The following TMEM170A variants were observed in gnomAD, a reference collection of about 807,000 sequenced individuals.
The protein encoded by TMEM170A is transmembrane protein 170A, also known as transmembrane protein 170.
In TMEM170A, 18 loss-of-function variants were observed where a neutral mutation model predicts 12.8. That is an observed-to-expected ratio of 1.41 (90% CI 0.97 to 2.09). The LOEUF is 2.09. Ranked by LOEUF, TMEM170A falls within the 30% of genes most tolerant of loss-of-function variation. The pLI is 0.00. For synonymous variants in TMEM170A, 107 were observed against 76.2 expected, an observed-to-expected ratio of 1.40 and a Z score of -2.11; for missense variants, 220 against 179.9, an observed-to-expected ratio of 1.22 and a Z score of -1.28.
At chr16:75,453,078 ATC>A (rs1333194037) in intron 1 of TMEM170A, among the ~76,000 whole-genome samples, 1 of 151,936 alleles carries the variant, frequency 6.6e-6, no homozygotes, top group African/African-American at 2.4e-5. Context: ...AAGCTGACCA[ATC>A]TCTGTACCCT....
chr16:75,457,944 A>T (rs2079829364), intron 1 of TMEM170A, among the ~76,000 whole-genome samples: 1 of 152,236 alleles, frequency 6.6e-6, no homozygotes, highest in Non-Finnish European at 1.5e-5. Context: ...AAACACTTTC[A>T]CATGAGGTTA....
chr16:75,455,847 T>C (rs184893277), intron 1 of TMEM170A, among the ~76,000 whole-genome samples: 2 of 152,296 alleles, frequency 1.3e-5, no homozygotes, highest in Non-Finnish European at 2.9e-5. Context: ...AATGAGCTTA[T>C]TGGGATAAAC....
At chr16:75,455,177 A>G (rs1445542008) in intron 1 of TMEM170A, among the ~76,000 whole-genome samples, 2 of 152,050 alleles carry the variant, frequency 1.3e-5, no homozygotes, top group South Asian at 2.1e-4. Flanking sequence ...CTAACACGGT[A>G]AAACCCCGTC....
At position 75,446,272 on chromosome 16, in the gene TMEM170A, C is replaced by G. The variant is rs959875512; in HGVS notation, c.*1286G>C. On this transcript the variant is annotated 3_prime_UTR_variant, in exon 3 of 3. Coordinates refer to ENST00000561878, the MANE Select transcript of TMEM170A (RefSeq NM_145254.3). ...ACCACCACACTGATTGTATTCCATA[C>G]AAAACAGTTTAGGTGGAAAGGATCA... is the stretch of plus-strand genomic sequence containing the variant. 6.6e-6 allele frequency: 1 copy of G among 151,658 alleles called. No homozygotes were observed. The highest frequency in any genetic ancestry group is 2.4e-5 in the African/African-American group (1 of 41,278). 9.4% of individuals were successfully genotyped at this position (151,658 alleles called of 1,614,324 possible).
At chr16:75,462,250 C>T (rs537219517) in intron 1 of TMEM170A, among the ~76,000 whole-genome samples, 3 of 152,224 alleles carry the variant, frequency 2.0e-5, no homozygotes, top group Non-Finnish European at 2.9e-5. Flanking sequence ...GACAAAGCCT[C>T]GCTCTGTCAC....
Position 75,445,258 on chromosome 16 carries a change from T to A in TMEM170A, c.*2300A>T, listed in dbSNP as rs546368956. The stretch of plus-strand genomic sequence containing the variant: ...TTTGGCTGCATTACAACTCTACTTA[T>A]AAGTTTCTGCCCGTGTATATGTCAC... On this transcript the variant is annotated 3_prime_UTR_variant, in exon 3 of 3. Coordinates refer to ENST00000561878, the MANE Select transcript of TMEM170A (RefSeq NM_145254.3). 1 of 152,340 alleles carries A rather than the reference T, an allele frequency of 6.6e-6. No individual in the cohort carries two copies. The highest frequency in any genetic ancestry group is 1.9e-4 in the East Asian group (1 of 5,188). 9.4% of individuals were successfully genotyped at this position (152,340 alleles called of 1,614,324 possible).
Position 75,464,505 on chromosome 16 carries a change from G to A in TMEM170A, c.96C>T (p.Thr32=), listed in dbSNP as rs372427046. 3 of 1,582,258 alleles carry A rather than the reference G, an allele frequency of 1.9e-6. No homozygotes were observed. Among genetic ancestry groups the A allele is most frequent in the Non-Finnish European group, 2.6e-6 (3 of 1,167,118 alleles). ...AGAGGGAAGTAGAGTTGGGGCACAG[G>A]GTCCCGTTGCCCACCCGCGGCACAA... ...LKVVPRVGNG[T]LCPNSTSLCS... is the part of the protein sequence containing the mutation. Residue 32 remains threonine (T), a synonymous_variant, in exon 1 of 3, where the codon ACC becomes ACT. Transcript: ENST00000561878.
At chr16:75,460,011 C>A in intron 1 of TMEM170A, 1 of 152,802 alleles carries the variant, frequency 6.5e-6, no homozygotes. Flanking sequence ...TCCTCCCTAA[C>A]AAGATGATGT....
rs1175112268 is a variant in TMEM170A at position 75,443,971 on chromosome 16, C to G, written c.*3587G>C. 6.6e-6 allele frequency: 1 copy of G among 151,772 alleles called. No homozygotes were observed. Among genetic ancestry groups the G allele is most frequent in the Non-Finnish European group, 1.5e-5 (1 of 67,996 alleles). The allele number at this position is 151,772 out of a possible 1,614,324, so 9.4% of individuals were successfully genotyped here. A position where few individuals can be genotyped will look rare whatever the true frequency, so the allele number is the denominator to read the frequency against. On this transcript the variant is annotated 3_prime_UTR_variant, in exon 3 of 3. Transcript: ENST00000561878. ...GGGCCTTGTGGCGGGTGCCAGTAAT[C>G]CTAGCTACTCAGCGGCCAAGGCAGG...
chr16:75,456,023 A>G (rs1390991452), intron 1 of TMEM170A, among the ~76,000 whole-genome samples: 1 of 152,084 alleles, frequency 6.6e-6, no homozygotes, highest in Non-Finnish European at 1.5e-5. Flanking sequence ...TTATGAAGGT[A>G]TTTTTATTCC....
intron 2 of TMEM170A, 143 bp downstream of exon 2, chr16:75,451,526 G>T: frequency 1.2e-6 from 1 of 818,986 alleles, no homozygotes. Flanking sequence ...CTCCGGCCTT[G>T]GTGACATAGG....
In TMEM170A at chr16:75,451,800, GAA is replaced by G. The variant is rs1347308029; in HGVS notation, c.171_172del (p.Phe60LeufsTer20). 3 of 1,613,844 alleles carry G rather than the reference GAA, an allele frequency of 1.9e-6. No homozygotes were observed. The highest frequency in any genetic ancestry group is 2.7e-5 in the African/African-American group (2 of 74,894). ...TCCAGCAGGGACATGAAAGAAGAGA[GAA>G]GACACCAGTGCCCACAGGAATACAC... is the stretch of plus-strand genomic sequence containing the variant. On this transcript the variant is annotated frameshift_variant, in exon 2 of 3. Coordinates refer to ENST00000561878, the MANE Select transcript of TMEM170A (RefSeq NM_145254.3). LOFTEE classifies it high-confidence loss of function.
intron 2 of TMEM170A, among the ~76,000 whole-genome samples, chr16:75,449,916 A>C (rs1018312615): frequency 7.9e-5 from 12 of 152,358 alleles, no homozygotes; most frequent in African/African-American, 2.9e-4. Context: ...AGAGAGCAGC[A>C]AATGGAAAGG....
intron 2 of TMEM170A, among the ~76,000 whole-genome samples, chr16:75,450,109 T>TG (rs2079655918): frequency 6.6e-6 from 1 of 150,812 alleles, no homozygotes; most frequent in African/African-American, 2.4e-5. Flanking sequence ...CCAGTCATCC[T>TG]GGGGCAGAGG....
At chr16:75,450,923 A>C (rs975932335) in intron 2 of TMEM170A, among the ~76,000 whole-genome samples, 1 of 151,980 alleles carries the variant, frequency 6.6e-6, no homozygotes, top group Non-Finnish European at 1.5e-5. Context: ...CTGCCTCCCA[A>C]AGTGCTGGGA....
intron 1 of TMEM170A, among the ~76,000 whole-genome samples, chr16:75,463,084 G>A (rs975718652): frequency 6.6e-6 from 1 of 152,142 alleles, no homozygotes; most frequent in Non-Finnish European, 1.5e-5. Context: ...GAGAGAAAGA[G>A]AAACAGAAAG....
intron 1 of TMEM170A, among the ~76,000 whole-genome samples, chr16:75,463,929 A>C (rs1260359170): frequency 1.3e-5 from 2 of 152,206 alleles, no homozygotes; most frequent in East Asian, 3.9e-4. Context: ...ATTCCTAGAA[A>C]GCGGAGCGGG....
intron 2 of TMEM170A, among the ~76,000 whole-genome samples, chr16:75,448,276 G>C (rs905448274): frequency 6.6e-6 from 1 of 152,204 alleles, no homozygotes; most frequent in Admixed American, 6.5e-5. Context: ...CATGAGAGGA[G>C]AGATACTCAG....
Position 75,445,676 on chromosome 16 carries a change from A to C in TMEM170A, c.*1882T>G, listed in dbSNP as rs1350137027. 6.6e-6 allele frequency: 1 copy of C among 151,736 alleles called. No homozygotes were observed. Among genetic ancestry groups the C allele is most frequent in the Non-Finnish European group, 1.5e-5 (1 of 67,986 alleles). 9.4% of individuals were successfully genotyped at this position (151,736 alleles called of 1,614,324 possible). A position where few individuals can be genotyped will look rare whatever the true frequency, so the allele number is the denominator to read the frequency against. ...ATTCTTTTCTATGAGTTTCCCTGGC[A>C]AATTGGTCCTCCTGACTTTTTTCTT... On this transcript the variant is annotated 3_prime_UTR_variant, in exon 3 of 3. Coordinates refer to ENST00000561878, the MANE Select transcript of TMEM170A (RefSeq NM_145254.3).
Sources: gnomAD v4.1 joint callset for allele counts (sites outside exome capture counted in the v4.1 genomes callset) on GRCh38, gnomAD v4.1.1 for gene constraint, MANE v1.5 for transcripts, NCBI Gene and HGNC (gene_info 2026-07-23, HGNC 2026-07-21) for gene names.